The following DIDO1 variants were observed in gnomAD, a reference collection of about 807,000 sequenced individuals.
The protein encoded by DIDO1 is death inducer-obliterator 1.
DIDO1 carries 16 observed loss-of-function variants against 99.4 expected under a neutral mutation model. That is an observed-to-expected ratio of 0.16 (90% CI 0.11 to 0.24). DIDO1 has a LOEUF of 0.24. Ranked by LOEUF, DIDO1 falls within the 10% of genes least tolerant of loss-of-function variation. DIDO1 has a pLI of 1.00. For missense variants in DIDO1, 2,996 were observed against 3,014.0 expected, an observed-to-expected ratio of 0.99 and a Z score of 0.14; for synonymous variants, 1,366 against 1,239.1, an observed-to-expected ratio of 1.10 and a Z score of -2.15.
intron 13 of DIDO1, 68 bp from the exon 14 acceptor site, chr20:62,892,144 T>C (rs891667844): frequency 3.7e-6 from 5 of 1,349,330 alleles, no homozygotes; most frequent in Non-Finnish European, 2.1e-6. Flanking sequence ...AATGCAGCCA[T>C]GTGAAGGCAC....
upstream of DIDO1, among the ~76,000 whole-genome samples, chr20:62,929,694 T>TATATATA (rs1568894301): frequency 1.2e-5 from 1 of 81,736 alleles, no homozygotes; most frequent in Admixed American, 1.3e-4. Context: ...AAAGAAAAAG[T>TATATATA]GTATATATAT....
Position 62,882,201 on chromosome 20 carries a change from G to A in DIDO1, c.3755C>T (p.Ala1252Val), listed in dbSNP as rs773597142. 8.1e-6 allele frequency: 13 copies of A among 1,613,508 alleles called. No homozygotes were observed. Among genetic ancestry groups the A allele is most frequent in the Non-Finnish European group, 1.1e-5 (13 of 1,180,044 alleles). Residue 1252 changes from alanine to valine, a missense_variant, in exon 16 of 16, where the codon GCT becomes GTT. Ala to Val is a moderately conservative substitution (Grantham distance 64). Around this residue, in one of 5 missense-constraint regions of DIDO1, gnomAD observed 1,562 missense variants for 1,412.6 expected, o/e 1.11. Coordinates refer to ENST00000395343, the MANE Select transcript of DIDO1 (RefSeq NM_001193369.2). ...CGACCCAGGAGGTGTGGTGCTGACA[G>A]CCGCGTCTGCAGAGCAGAGTGGATA... is the stretch of plus-strand genomic sequence containing the variant. Reference protein sequence around the residue: ...SKYPLCSADAAVSTTPPGSPP... With the variant: ...SKYPLCSADAVVSTTPPGSPP...
chr20:62,922,109 T>TATATACACAC (rs375077898), intron 1 of DIDO1, among the ~76,000 whole-genome samples: 72 of 110,640 alleles, frequency 6.5e-4, no homozygotes, highest in East Asian at 4.1e-3. Context: ...ACTATATATA[T>TATATACACAC]ACACACACAC....
At chr20:62,922,992 T>A (rs2065184753) in intron 1 of DIDO1, among the ~76,000 whole-genome samples, 1 of 151,772 alleles carries the variant, frequency 6.6e-6, no homozygotes, top group African/African-American at 2.4e-5. Flanking sequence ...ATCTATATAG[T>A]GAAATTCTTT....
intron 1 of DIDO1, among the ~76,000 whole-genome samples, chr20:62,923,663 C>A (rs1160216030): frequency 6.6e-6 from 1 of 152,160 alleles, no homozygotes; most frequent in Non-Finnish European, 1.5e-5. Context: ...TCTTTACTTT[C>A]TATTTTTACA....
chr20:62,933,467 G>A (rs2065350779), intron 1 of DIDO1, among the ~76,000 whole-genome samples: 1 of 152,218 alleles, frequency 6.6e-6, no homozygotes, highest in African/African-American at 2.4e-5. Flanking sequence ...CCAGTATGTA[G>A]GGGTTTGATT....
Position 62,887,183 on chromosome 20 carries a change from A to G in DIDO1, c.3541+3777T>C, listed in dbSNP as rs191473983. The G allele has an allele frequency of 2.2e-5, 22 of 985,474 alleles. No homozygotes were observed. In the East Asian group the frequency reaches 2.5e-3, roughly 112 times the overall value. The allele number at this position is 985,474 out of a possible 1,614,324, so 61.0% of individuals were successfully genotyped here. On this transcript the variant is annotated intron_variant, in intron 15 of 15. Transcript: ENST00000395343. ...TAGGATAGGTGACCAGGAGCCACCA[A>G]ATGGTTCCAATTCAAACAAACAAGG...
At chr20:62,892,480 G>A (rs1288167078) in intron 13 of DIDO1, among the ~76,000 whole-genome samples, 1 of 152,216 alleles carries the variant, frequency 6.6e-6, no homozygotes, top group Non-Finnish European at 1.5e-5. Context: ...GGCCAGGTGT[G>A]TGTAAAGCAG....
intron 12 of DIDO1, among the ~76,000 whole-genome samples, chr20:62,893,365 G>A (rs1008020231): frequency 1.3e-5 from 2 of 152,136 alleles, no homozygotes; most frequent in African/African-American, 2.4e-5. Flanking sequence ...TTACGTTTTT[G>A]GTAGCTTACT....
chr20:62,916,569 G>A (rs1165125828), intron 1 of DIDO1, among the ~76,000 whole-genome samples: 1 of 152,140 alleles, frequency 6.6e-6, no homozygotes, highest in Non-Finnish European at 1.5e-5. Context: ...ATCTTTAAAT[G>A]AAAGTTATTT....
In DIDO1 at chr20:62,897,776, C is replaced by T. The variant is rs868143109; in HGVS notation, c.1589-780G>A. ...ATCACCTTATAACCCCATGTGAGAT[C>T]GTCAGAGCCCAAAGGCCCTCGAGCA... On this transcript the variant is annotated intron_variant, in intron 6 of 15. Transcript: ENST00000395343. Among the ~76,000 whole-genome samples, 37 of 152,350 alleles carry T rather than the reference C, an allele frequency of 2.4e-4. 1 individual carries two copies. Among genetic ancestry groups the T allele is most frequent in the Admixed American group, 1.2e-3 (19 of 15,312 alleles).
At chr20:62,892,211 T>C in intron 13 of DIDO1, 135 bp from the exon 14 acceptor site, 1 of 747,922 alleles carries the variant, frequency 1.3e-6, no homozygotes, top group East Asian at 2.8e-5. Context: ...GTCACACTTG[T>C]ATTAAATGCA....
At chr20:62,929,692 A>AAAAAAAATATATATATATATATAT, upstream of DIDO1, among the ~76,000 whole-genome samples, 2 of 63,710 alleles carry the variant, frequency 3.1e-5, no homozygotes, top group African/African-American at 1.5e-4. Flanking sequence ...AAAAAGAAAA[A>AAAAAAAATATATATATATATATAT]GTGTATATAT....
In DIDO1 at chr20:62,878,242, C is replaced by T. The variant is rs1273470077; in HGVS notation, c.*991G>A. On this transcript the variant is annotated 3_prime_UTR_variant, in exon 16 of 16. Coordinates refer to ENST00000395343, the MANE Select transcript of DIDO1 (RefSeq NM_001193369.2). ...TTTTACTTCACACTTCAGAAGTACTCGAAAAATACACGACAAGCAAGAGAC... is the reference window on the plus strand; with the variant it reads ...TTTTACTTCACACTTCAGAAGTACTTGAAAAATACACGACAAGCAAGAGAC... 1.3e-5 allele frequency: 2 copies of T among 152,164 alleles called. No homozygotes were observed. Among genetic ancestry groups the T allele is most frequent in the African/African-American group, 4.8e-5 (2 of 41,428 alleles). 9.4% of individuals were successfully genotyped at this position (152,164 alleles called of 1,614,324 possible). A position where few individuals can be genotyped will look rare whatever the true frequency, so the allele number is the denominator to read the frequency against.
Position 62,881,014 on chromosome 20 carries a change from C to T in DIDO1, c.4942G>A (p.Gly1648Arg). The change falls in exon 16 of 16, where the codon GGA becomes AGA. Residue 1648 changes from glycine to arginine, a missense_variant. Physicochemically the swap from Gly to Arg is moderately radical, Grantham distance 125. Transcript: ENST00000395343. This position sits in a 1 kb window ranked among gnomAD's most constrained non-coding sequence, Gnocchi z 8.3. Reference sequence around the variant, plus strand: ...CGGGCAGGCCTGGCCGAGCTGTCTCCAACCGTGGCGGGGCGGGTGCCCTCC... The same window carrying T: ...CGGGCAGGCCTGGCCGAGCTGTCTCTAACCGTGGCGGGGCGGGTGCCCTCC... ...PGEGTRPATVGDSSARPARRV... is the reference protein window; with the variant it reads ...PGEGTRPATVRDSSARPARRV... 2 of 1,606,054 alleles carry T rather than the reference C, an allele frequency of 1.2e-6. No homozygotes were observed. Among genetic ancestry groups the T allele is most frequent in the East Asian group, 4.5e-5 (2 of 44,788 alleles).
In DIDO1 at chr20:62,906,088, T is replaced by C. The variant is rs200856496; in HGVS notation, c.1387A>G (p.Ile463Val). The C allele has an allele frequency of 8.3e-5, 133 of 1,609,160 alleles. No individual in the cohort carries two copies. In the Middle Eastern group the frequency reaches 1.8e-3, roughly 22 times the overall value. The change falls in exon 6 of 16, where the codon ATC becomes GTC. Residue 463 changes from isoleucine to valine, a missense_variant. This residue lies in a region of DIDO1 where 898 missense variants were observed against 972.7 expected (regional missense o/e 0.92). Transcript: ENST00000395343. ...GCTGGTCTCTTGTGCACAGAAGAGA[T>C]TTTAATACCTGCCTGGATAATCAGT... ...PKCGAQAGIK[I>V]SSVHKRPAPE...
chr20:62,890,674 A>C, intron 15 of DIDO1: 1 of 1,273,840 alleles, frequency 7.9e-7, no homozygotes, highest in East Asian at 3.7e-5. Context: ...GCTTCTGGGC[A>C]CTGAGTCTTC....
intron 6 of DIDO1, chr20:62,905,644 A>G (rs1358401432): frequency 9.6e-6 from 15 of 1,566,660 alleles, no homozygotes; most frequent in Non-Finnish European, 1.1e-5. Context: ...CATTAAGGTG[A>G]ACGTTCACCA....
At chr20:62,903,199 T>C (rs2064722118) in intron 6 of DIDO1, among the ~76,000 whole-genome samples, 1 of 152,212 alleles carries the variant, frequency 6.6e-6, no homozygotes, top group Non-Finnish European at 1.5e-5. Context: ...AAGGTGAGGC[T>C]GTGAAGGACC....
Sources: allele counts gnomAD v4.1 joint callset (sites outside exome capture counted in the v4.1 genomes callset), GRCh38; gene constraint gnomAD v4.1.1; regional missense constraint gnomAD v4.1.1; non-coding constraint Gnocchi (gnomAD v3.1); transcripts MANE v1.5; gene names NCBI Gene and HGNC (gene_info 2026-07-23, HGNC 2026-07-21).